KCNT1: variants seen among roughly 807,000 people sequenced by gnomAD.
KCNT1 encodes potassium sodium-activated channel subfamily T member 1, also known as potassium channel subfamily T member 1.
KCNT1 carries 78 observed loss-of-function variants against 147.8 expected under a neutral mutation model. The observed-to-expected ratio is 0.53, with a 90% CI of 0.44 to 0.64. The LOEUF is 0.64. Ranked by LOEUF, KCNT1 falls within the 30% of genes least tolerant of loss-of-function variation. The pLI is 0.00. For missense variants in KCNT1, 1,419 were observed against 1,750.3 expected (o/e 0.81, Z 3.38); for synonymous variants, 867 against 748.8 (o/e 1.16, Z -2.58).
intron 11 of KCNT1, among the ~76,000 whole-genome samples, chr9:135,762,085 G>A (rs977860798): frequency 3.3e-5 from 5 of 152,262 alleles, no homozygotes; most frequent in East Asian, 3.8e-4. Context: ...CCTCCGGGCC[G>A]GGGCTGCCTT....
intron 2 of KCNT1, among the ~76,000 whole-genome samples, chr9:135,732,028 A>AGGGG (rs1564328339): frequency 7.3e-6 from 1 of 136,702 alleles, no homozygotes; most frequent in Non-Finnish European, 1.6e-5. Flanking sequence ...AGAGAGAGAG[A>AGGGG]GAGAGAGAGA....
At chr9:135,724,390 C>T in intron 2 of KCNT1, among the ~76,000 whole-genome samples, 1 of 152,272 alleles carries the variant, frequency 6.6e-6, no homozygotes, top group Middle Eastern at 3.2e-3. Flanking sequence ...CAGGGAAGCA[C>T]AGGCCAACGG....
At chr9:135,788,081 C>A in intron 29 of KCNT1, 1 of 1,586,228 alleles carries the variant, frequency 6.3e-7, no homozygotes, top group Non-Finnish European at 8.7e-7. Context: ...GTCTGTGCCT[C>A]TTTCTGTGTG....
intron 2 of KCNT1, among the ~76,000 whole-genome samples, chr9:135,715,475 G>A (rs1008759560): frequency 1.3e-4 from 20 of 152,294 alleles, no homozygotes; most frequent in Non-Finnish European, 2.1e-4. Context: ...GCTGGAGCCC[G>A]CGGGGGCTTC....
chr9:135,768,771 C>G, intron 14 of KCNT1, 58 bp from the exon 15 acceptor site: 5 of 1,547,574 alleles, frequency 3.2e-6, no homozygotes, highest in Non-Finnish European at 4.4e-6. Flanking sequence ...CTGCCGGTGC[C>G]GCCCAGCAGC....
intron 6 of KCNT1, among the ~76,000 whole-genome samples, chr9:135,756,081 C>T (rs1831463300): frequency 1.3e-5 from 2 of 151,598 alleles, no homozygotes; most frequent in South Asian, 4.2e-4. Context: ...GACCCAGGCT[C>T]AGTAAGCAGG....
chr9:135,734,532 G>A (rs377512933), intron 2 of KCNT1, among the ~76,000 whole-genome samples: 3 of 152,050 alleles, frequency 2.0e-5, no homozygotes, highest in Non-Finnish European at 4.4e-5. Context: ...CACCCCAGGC[G>A]GCACCTGCTG....
intron 2 of KCNT1, among the ~76,000 whole-genome samples, chr9:135,743,235 C>T (rs1331968091): frequency 2.0e-5 from 3 of 152,278 alleles, no homozygotes; most frequent in Non-Finnish European, 4.4e-5. Context: ...CCACTCCCCA[C>T]TGAGCCGCCG....
chr9:135,709,417 C>T (rs1441414179), intron 1 of KCNT1, among the ~76,000 whole-genome samples: 3 of 152,124 alleles, frequency 2.0e-5, no homozygotes, highest in Admixed American at 6.5e-5. Context: ...TGGGCCTCCT[C>T]GGCCACAGAT....
chr9:135,705,888 C>T (rs1455657931), intron 1 of KCNT1, among the ~76,000 whole-genome samples: 2 of 151,780 alleles, frequency 1.3e-5, no homozygotes, highest in African/African-American at 4.8e-5. Context: ...CCAGCTGCTC[C>T]CTAGATCGGG....
chr9:135,786,214 C>T lies in KCNT1; in HGVS notation c.3195C>T (p.Asn1065=), dbSNP rs747248633. The change falls in exon 29 of 31, where the codon AAC becomes AAT. Residue 1065 remains asparagine, a synonymous_variant. Transcript: ENST00000371757. ...CTGCCCAGTCCCAGATCTCGGTGAA[C>T]GTGGAGGACTGTGAGGACACACGGG... The part of the protein sequence containing the change: ...DLRAQSQISV[N]VEDCEDTREV... 27 of 1,609,682 alleles carry T rather than the reference C, an allele frequency of 1.7e-5. No homozygotes were observed. Among genetic ancestry groups the T allele is most frequent in the African/African-American group, 2.7e-5 (2 of 74,740 alleles).
At position 135,792,558 on chromosome 9, in the gene KCNT1, C is replaced by T. The variant is rs957974561; in HGVS notation, c.*397C>T. The T allele has an allele frequency of 2.3e-5, 4 of 176,342 alleles. No homozygotes were observed. The highest frequency in any genetic ancestry group is 4.8e-5 in the African/African-American group (2 of 41,780). 10.9% of individuals were successfully genotyped at this position (176,342 alleles called of 1,614,324 possible). ...AGCAGAACCCAGAACCCAGGAGCCC[C>T]GCGTGGGCCACACCCAACTCAGAGC... On this transcript the variant is annotated 3_prime_UTR_variant, in exon 31 of 31. Transcript: ENST00000371757.
In KCNT1 at chr9:135,764,883, G is replaced by A. The variant is rs1310114405; in HGVS notation, c.1036-148G>A. ...ATCAGCATCTACAGTTTCCATGTGG[G>A]AAAGGCCCCCCTAATGTAGGTGTCA... is the stretch of plus-strand genomic sequence containing the variant. On this transcript the variant is annotated intron_variant, in intron 11 of 30. Coordinates refer to ENST00000371757, the MANE Select transcript of KCNT1 (RefSeq NM_020822.3). 1.9e-5 allele frequency: 14 copies of A among 721,224 alleles called. No individual in the cohort carries two copies. In the East Asian group the frequency reaches 2.7e-4, roughly 14 times the overall value. 44.7% of individuals were successfully genotyped at this position (721,224 alleles called of 1,614,324 possible).
At chr9:135,774,228 TTGTGTGTGG>T (rs1832961044) in intron 19 of KCNT1, among the ~76,000 whole-genome samples, 1 of 148,726 alleles carries the variant, frequency 6.7e-6, no homozygotes, top group African/African-American at 2.5e-5. Context: ...TGTCTGTGTG[TTGTGTGTGG>T]TGTGTGTCCG....
In KCNT1 at chr9:135,786,185, T is replaced by TGCCCTGCCCA. The variant is rs748283635; in HGVS notation, c.3178-10_3178-1dup. On this transcript the variant is annotated splice_polypyrimidine_tract_variant and intron_variant, in intron 28 of 30. Transcript: ENST00000371757. ...CACCCCTCCCCGCCCTGCCCTGCCC[T>TGCCCTGCCCA]GCCCTGCCCAGTCCCAGATCTCGGT... 15 of 1,267,014 alleles carry TGCCCTGCCCA rather than the reference T, an allele frequency of 1.2e-5. 1 individual carries two copies. Among genetic ancestry groups the TGCCCTGCCCA allele is most frequent in the South Asian group, 6.0e-5 (5 of 83,012 alleles). 78.5% of individuals were successfully genotyped at this position (1,267,014 alleles called of 1,614,324 possible).
At chr9:135,771,807 G>A (rs535509466) in intron 18 of KCNT1, among the ~76,000 whole-genome samples, 1 of 152,306 alleles carries the variant, frequency 6.6e-6, no homozygotes, top group South Asian at 2.1e-4. Context: ...CAGTTAGGGA[G>A]CAGGGCCAGG....
At position 135,772,960 on chromosome 9, in the gene KCNT1, C is replaced by T; in HGVS notation, c.2243+11C>T. The T allele has an allele frequency of 6.9e-7, 1 of 1,443,500 alleles. No individual in the cohort carries two copies. The highest frequency in any genetic ancestry group is 9.1e-7 in the Non-Finnish European group (1 of 1,097,800). The allele number at this position is 1,443,500 out of a possible 1,614,324, so 89.4% of individuals were successfully genotyped here. On this transcript the variant is annotated intron_variant, in intron 19 of 30. Coordinates refer to ENST00000371757, the MANE Select transcript of KCNT1 (RefSeq NM_020822.3). ...GCTCTCCGTGGTAGAGTGAGTGCTGCCTTGGAGACGGCTCCCAGTGGGGGG... is the reference window on the plus strand; with the variant it reads ...GCTCTCCGTGGTAGAGTGAGTGCTGTCTTGGAGACGGCTCCCAGTGGGGGG...
chr9:135,745,662 A>G (rs1173712229), intron 2 of KCNT1, among the ~76,000 whole-genome samples: 2 of 152,096 alleles, frequency 1.3e-5, no homozygotes. Context: ...GAGCTCCTCC[A>G]CCTGTCTGCT....
At position 135,765,857 on chromosome 9, in the gene KCNT1, A is replaced by G. The variant is rs367901641; in HGVS notation, c.1337+97A>G. ...GCATTGACCGTCGCTCTCCTGGCCA[A>G]TGAGAGCCATGAGAGCATTATAGAC... On this transcript the variant is annotated intron_variant, in intron 13 of 30. Coordinates refer to ENST00000371757, the MANE Select transcript of KCNT1 (RefSeq NM_020822.3). 6.3e-5 allele frequency: 68 copies of G among 1,083,332 alleles called. No individual in the cohort carries two copies. The East Asian group carries it at 1.4e-3, about 22-fold the overall frequency. 67.1% of individuals were successfully genotyped at this position (1,083,332 alleles called of 1,614,324 possible).
Sources: gnomAD v4.1 joint callset for allele counts (sites outside exome capture counted in the v4.1 genomes callset) on GRCh38, gnomAD v4.1.1 for gene constraint, MANE v1.5 for transcripts, NCBI Gene and HGNC (gene_info 2026-07-23, HGNC 2026-07-21) for gene names.